Variants in BFAR observed in about 807,000 individuals in gnomAD.
BFAR encodes RING finger protein 47.
In BFAR, 52 loss-of-function variants were observed where a neutral mutation model predicts 54.4. The observed-to-expected ratio is 0.96, with a 90% CI of 0.77 to 1.21. The LOEUF (loss-of-function observed/expected upper bound fraction) is 1.21. Among genes scored for constraint, BFAR ranks in the 50% most tolerant of loss-of-function variants. The probability of loss-of-function intolerance (pLI) is 0.00; values close to 1 mark genes in which losing one functional copy is unlikely to be tolerated. For missense variants in BFAR, 571 were observed against 534.0 expected, an observed-to-expected ratio of 1.07 and a Z score of -0.68; for synonymous variants, 215 against 204.3, an observed-to-expected ratio of 1.05 and a Z score of -0.45.
Position 14,644,309 on chromosome 16 carries a change from A to G in BFAR, c.-38A>G, listed in dbSNP as rs547436009. The G allele has an allele frequency of 6.3e-7, 1 of 1,581,892 alleles. No homozygotes were observed. Among genetic ancestry groups the G allele is most frequent in the South Asian group, 1.1e-5 (1 of 87,048 alleles). ...TTTTGCAGCAGTTTTCTACGTCTGA[A>G]ATTTTTTATGTCTCTGGAACCCAGA... On this transcript the variant is annotated 5_prime_UTR_variant, in exon 2 of 8. Transcript: ENST00000261658.
intron 3 of BFAR, among the ~76,000 whole-genome samples, chr16:14,649,505 T>C (rs1181558877): frequency 1.3e-5 from 2 of 152,212 alleles, no homozygotes; most frequent in Non-Finnish European, 1.5e-5. Flanking sequence ...GTCAGTTATG[T>C]TGAGCAAGTT....
chr16:14,640,851 T>C (rs1959602794), intron 1 of BFAR, among the ~76,000 whole-genome samples: 2 of 152,308 alleles, frequency 1.3e-5, no homozygotes, highest in Admixed American at 6.5e-5. Context: ...TCTAGAAACA[T>C]GGACGTACCA....
chr16:14,657,060 G>A (rs528955866), intron 5 of BFAR, among the ~76,000 whole-genome samples: 10 of 150,796 alleles, frequency 6.6e-5, no homozygotes, highest in African/African-American at 2.4e-4. Context: ...CTGAGATGGT[G>A]CCACTGCACT....
Position 14,667,952 on chromosome 16 carries a change from AT to A in BFAR, c.*126del. 2.9e-6 allele frequency: 3 copies of A among 1,052,338 alleles called. No homozygotes were observed. The South Asian group carries it at 4.7e-5, about 17-fold the overall frequency. 65.2% of individuals were successfully genotyped at this position (1,052,338 alleles called of 1,614,324 possible). On this transcript the variant is annotated 3_prime_UTR_variant, in exon 8 of 8. Transcript: ENST00000261658. ...TCAGTAAAACAAGGTGCTGCTTTGT[AT>A]ATCAAAAGCTCCAACCATGTCCTCT... is the stretch of plus-strand genomic sequence containing the variant.
In BFAR at chr16:14,641,584, G is replaced by A. The variant is rs1417421819; in HGVS notation, c.-73-2690G>A. Reference sequence around the variant, plus strand: ...AAAAAAAAAGTATACTATAGAGGCCGGACATGGTGGCTCACGCCTGTAATC... The same window carrying A: ...AAAAAAAAAGTATACTATAGAGGCCAGACATGGTGGCTCACGCCTGTAATC... On this transcript the variant is annotated intron_variant, in intron 1 of 7. Coordinates refer to ENST00000261658, the MANE Select transcript of BFAR (RefSeq NM_016561.3). Among the ~76,000 whole-genome samples, 11 of 150,474 alleles carry A rather than the reference G, an allele frequency of 7.3e-5. No individual in the cohort carries two copies. In the South Asian group the frequency reaches 1.5e-3, roughly 20 times the overall value.
chr16:14,666,145 A>G (rs1406612870), intron 7 of BFAR, among the ~76,000 whole-genome samples: 5 of 152,204 alleles, frequency 3.3e-5, no homozygotes, highest in African/African-American at 1.2e-4. Context: ...GCACTGGAAA[A>G]GGTCTCAGGG....
intron 1 of BFAR, among the ~76,000 whole-genome samples, chr16:14,641,738 G>A (rs1439864972): frequency 6.6e-6 from 1 of 151,812 alleles, no homozygotes; most frequent in Non-Finnish European, 1.5e-5. Context: ...GTGCCTGCCT[G>A]TAATCCCAGC....
intron 6 of BFAR, among the ~76,000 whole-genome samples, chr16:14,663,825 G>A (rs1960360212): frequency 6.6e-6 from 1 of 151,912 alleles, no homozygotes; most frequent in South Asian, 2.1e-4. Flanking sequence ...CTTGATGGGA[G>A]AATAACTGGT....
At chr16:14,660,029 C>T (rs1465690488) in intron 5 of BFAR, among the ~76,000 whole-genome samples, 2 of 152,172 alleles carry the variant, frequency 1.3e-5, no homozygotes, top group Non-Finnish European at 2.9e-5. Context: ...TAAGTTTTCA[C>T]ATATGCACAC....
intron 5 of BFAR, among the ~76,000 whole-genome samples, chr16:14,657,068 A>AGG (rs1960148867): frequency 6.6e-6 from 1 of 151,964 alleles, no homozygotes; most frequent in Non-Finnish European, 1.5e-5. Context: ...GTGCCACTGC[A>AGG]CTCCAGCCTG....
At chr16:14,637,361 A>ATT (rs56024170) in intron 1 of BFAR, among the ~76,000 whole-genome samples, 5 of 148,902 alleles carry the variant, frequency 3.4e-5, no homozygotes, top group Non-Finnish European at 1.5e-5. Flanking sequence ...TCAGACCATG[A>ATT]TTTTTTTTTT....
intron 4 of BFAR, 101 bp from the exon 5 acceptor site, chr16:14,654,965 T>A (rs1960080184): frequency 7.9e-7 from 1 of 1,258,238 alleles, no homozygotes; most frequent in Non-Finnish European, 1.1e-6. Flanking sequence ...TCACCATACC[T>A]CAAGCCTACA....
intron 1 of BFAR, among the ~76,000 whole-genome samples, chr16:14,638,563 T>C (rs1002992878): frequency 6.6e-6 from 1 of 152,258 alleles, no homozygotes; most frequent in Non-Finnish European, 1.5e-5. Context: ...AATTACGATT[T>C]CTTTATTTTC....
At chr16:14,661,791 T>C in intron 5 of BFAR, 101 bp from the exon 6 acceptor site, 3 of 1,314,498 alleles carry the variant, frequency 2.3e-6, no homozygotes, top group Non-Finnish European at 3.2e-6. Flanking sequence ...GTGTGTACCA[T>C]GCAAAAAGGC....
rs1476169828 is a variant in BFAR, at chr16:14,667,916, A to G, written c.*89A>G. 1 of 1,336,996 alleles carries G rather than the reference A, an allele frequency of 7.5e-7. No homozygotes were observed. Among genetic ancestry groups the G allele is most frequent in the Non-Finnish European group, 1.0e-6 (1 of 955,422 alleles). The allele number at this position is 1,336,996 out of a possible 1,614,324, so 82.8% of individuals were successfully genotyped here. A position where few individuals can be genotyped will look rare whatever the true frequency, so the allele number is the denominator to read the frequency against. Reference sequence around the variant, plus strand: ...GGGTGAGGCAGGGAGCGGACTTCCTATTTTCTACCCTCAGTAAAACAAGGT... The same window carrying G: ...GGGTGAGGCAGGGAGCGGACTTCCTGTTTTCTACCCTCAGTAAAACAAGGT... On this transcript the variant is annotated 3_prime_UTR_variant, in exon 8 of 8. Transcript: ENST00000261658.
chr16:14,661,247 C>T (rs1960278055), intron 5 of BFAR, among the ~76,000 whole-genome samples: 2 of 152,012 alleles, frequency 1.3e-5, no homozygotes, highest in Admixed American at 6.6e-5. Context: ...TTAAGTGGTG[C>T]CCACTTACAG....
chr16:14,642,300 A>G (rs184308304), intron 1 of BFAR, among the ~76,000 whole-genome samples: 41 of 152,290 alleles, frequency 2.7e-4, no homozygotes, highest in Admixed American at 2.2e-3. Context: ...AATCCTCACA[A>G]GAAATCTTGA....
chr16:14,633,681 C>T (rs889188354), intron 1 of BFAR, among the ~76,000 whole-genome samples: 1 of 152,180 alleles, frequency 6.6e-6, no homozygotes, highest in African/African-American at 2.4e-5. Context: ...GAGACGGAGT[C>T]TTGCCCTGCC....
chr16:14,642,427 G>C (rs1363231081), intron 1 of BFAR, among the ~76,000 whole-genome samples: 1 of 152,080 alleles, frequency 6.6e-6, no homozygotes, highest in Non-Finnish European at 1.5e-5. Flanking sequence ...CCAACTCCAA[G>C]ATCTGTGTCA....
Sources: gnomAD v4.1 joint callset for allele counts (sites outside exome capture counted in the v4.1 genomes callset) on GRCh38, gnomAD v4.1.1 for gene constraint, MANE v1.5 for transcripts, NCBI Gene and HGNC (gene_info 2026-07-23, HGNC 2026-07-21) for gene names.